The following REPS2 variants were observed in gnomAD, a reference collection of about 807,000 sequenced individuals.
The protein encoded by REPS2 is ralBP1-associated Eps domain-containing protein 2.
In REPS2, 23 loss-of-function variants were observed where a neutral mutation model predicts 53.6. The ratio of observed to expected loss-of-function variants is 0.43; its 90% CI spans 0.31 to 0.61. The LOEUF is 0.61. Among genes scored for constraint, REPS2 ranks in the 20% least tolerant of loss-of-function variants. The probability of loss-of-function intolerance (pLI) is 0.11; values close to 1 mark genes in which losing one functional copy is unlikely to be tolerated. For synonymous variants in REPS2, 238 were observed against 218.6 expected (o/e 1.09, Z -0.78); for missense variants, 446 against 534.9 (o/e 0.83, Z 1.64).
intron 5 of REPS2, among the ~76,000 whole-genome samples, chrX:17,038,744 C>T (rs921645521): frequency 8.9e-6 from 1 of 112,176 alleles, no homozygotes; most frequent in Admixed American, 9.5e-5. Context: ...CCATATTTCA[C>T]AGGGAGAGCA....
intron 1 of REPS2, among the ~76,000 whole-genome samples, chrX:16,964,166 G>A (rs767519199): frequency 1.0e-4 from 11 of 107,568 alleles, no homozygotes; most frequent in Admixed American, 7.0e-4. Context: ...CCTAGGCAGA[G>A]GACCCTGCCG....
At chrX:17,066,315 A>G (rs1457136526) in intron 9 of REPS2, among the ~76,000 whole-genome samples, 1 of 112,529 alleles carries the variant, frequency 8.9e-6, no homozygotes, top group Admixed American at 9.4e-5. Context: ...CAAAGATTGC[A>G]TTGAATTTGT....
intron 2 of REPS2, among the ~76,000 whole-genome samples, chrX:17,018,993 G>C (rs749794391): frequency 9.1e-6 from 1 of 110,131 alleles, no homozygotes; most frequent in East Asian, 2.9e-4. Context: ...TTTTTTAAGA[G>C]AAGGGGTCTT....
chrX:17,041,550 C>T (rs773658190), intron 5 of REPS2, among the ~76,000 whole-genome samples: 4 of 112,236 alleles, frequency 3.6e-5, no homozygotes, highest in African/African-American at 1.3e-4. Context: ...CTAATGAGAT[C>T]GTTTTGATCA....
At chrX:17,009,525 C>G (rs1280379664) in intron 2 of REPS2, among the ~76,000 whole-genome samples, 2 of 110,637 alleles carry the variant, frequency 1.8e-5, no homozygotes, top group Non-Finnish European at 3.8e-5. Context: ...TTCCCAGGCT[C>G]AAATGATCTT....
chrX:17,063,427 C>G (rs1257699867), intron 9 of REPS2, among the ~76,000 whole-genome samples: 1 of 111,563 alleles, frequency 9.0e-6, no homozygotes, highest in East Asian at 2.8e-4. Flanking sequence ...ACATGAGGCC[C>G]TCATGCCTGT....
At chrX:17,009,069 C>T (rs1460742936) in intron 2 of REPS2, among the ~76,000 whole-genome samples, 1 of 112,071 alleles carries the variant, frequency 8.9e-6, no homozygotes, top group African/African-American at 3.2e-5. Flanking sequence ...CTAGACCAGA[C>T]AACCTTCATC....
At chrX:17,087,761 C>T (rs2062556738) in intron 13 of REPS2, among the ~76,000 whole-genome samples, 1 of 110,524 alleles carries the variant, frequency 9.0e-6, no homozygotes, top group Non-Finnish European at 1.9e-5. Context: ...ATGGAGAAAC[C>T]CCATCTCTAC....
intron 2 of REPS2, among the ~76,000 whole-genome samples, chrX:17,018,984 T>A (rs1285515388): frequency 9.1e-6 from 1 of 110,299 alleles, no homozygotes; most frequent in Non-Finnish European, 1.9e-5. Context: ...TATTTTTATT[T>A]TTTTAAGAGA....
chrX:16,969,756 G>A lies in REPS2; in HGVS notation c.273+22622G>A, dbSNP rs1320809818. ...GAGACCGTGGGGAGAGGGAGACCGA[G>A]AGGGAGAGGGAGAGAGGGAGAGGGA... is the stretch of plus-strand genomic sequence containing the variant. On this transcript the variant is annotated intron_variant, in intron 1 of 17. Coordinates refer to ENST00000357277, the MANE Select transcript of REPS2 (RefSeq NM_004726.3). Among the ~76,000 whole-genome samples, 3 of 80,551 alleles carry A rather than the reference G, an allele frequency of 3.7e-5. No individual in the cohort carries two copies. The Admixed American group carries it at 5.2e-4, about 14-fold the overall frequency. The allele number at this position is 80,551 out of a possible 115,157, so 69.9% of individuals were successfully genotyped here. A position where few individuals can be genotyped will look rare whatever the true frequency, so the allele number is the denominator to read the frequency against.
At chrX:16,994,977 C>T (rs1358419360) in intron 1 of REPS2, among the ~76,000 whole-genome samples, 2 of 111,939 alleles carry the variant, frequency 1.8e-5, no homozygotes, top group Non-Finnish European at 3.8e-5. Context: ...GCAAAGGGTT[C>T]GGATAACAGG....
At chrX:17,160,677 A>G in the REPS2 span, among the ~76,000 whole-genome samples, 1 of 112,185 alleles carries the variant, frequency 8.9e-6, no homozygotes, top group African/African-American at 3.2e-5. Flanking sequence ...TTCATAAAAA[A>G]GGGAGGATGA....
chrX:17,046,159 AT>A (rs112879575), intron 5 of REPS2, among the ~76,000 whole-genome samples: 2,875 of 97,970 alleles, frequency 0.029, 103 homozygotes, highest in African/African-American at 0.098. Context: ...ATTTTTATTT[AT>A]TTTTTTTTTT....
chrX:17,158,641 AAG>A, the REPS2 span, among the ~76,000 whole-genome samples: 5 of 112,294 alleles, frequency 4.5e-5, no homozygotes, highest in South Asian at 7.4e-4. Context: ...ATTCAGGACT[AAG>A]AGAGTTTTGG....
intron 1 of REPS2, among the ~76,000 whole-genome samples, chrX:16,951,559 AC>A (rs74473321): frequency 0.011 from 399 of 37,506 alleles, 6 homozygotes; most frequent in South Asian, 0.056. Flanking sequence ...ACACACACAC[AC>A]CCCCGCTACC....
chrX:17,195,586 G>A, the REPS2 span, among the ~76,000 whole-genome samples: 1 of 112,097 alleles, frequency 8.9e-6, no homozygotes, highest in Non-Finnish European at 1.9e-5. Context: ...TAAAAATTGA[G>A]CCTAAAATTG....
the REPS2 span, among the ~76,000 whole-genome samples, chrX:17,191,888 T>C: frequency 9.0e-6 from 1 of 111,309 alleles, no homozygotes; most frequent in Non-Finnish European, 1.9e-5. Flanking sequence ...GGGCAAGGAG[T>C]TGATTACAAA....
chrX:16,980,394 C>T (rs980122098), intron 1 of REPS2, among the ~76,000 whole-genome samples: 8 of 111,143 alleles, frequency 7.2e-5, no homozygotes, highest in African/African-American at 2.3e-4. Flanking sequence ...CCTCCGCCTC[C>T]CAGGTTCAAG....
At chrX:16,966,337 A>T (rs367806108) in intron 1 of REPS2, among the ~76,000 whole-genome samples, 1 of 112,240 alleles carries the variant, frequency 8.9e-6, no homozygotes, top group African/African-American at 3.2e-5. Context: ...TTTGAGACCT[A>T]AAAGTAATAC....
Sources: allele counts gnomAD v4.1 joint callset (sites outside exome capture counted in the v4.1 genomes callset), GRCh38; gene constraint gnomAD v4.1.1; transcripts MANE v1.5; gene names NCBI Gene and HGNC (gene_info 2026-07-23, HGNC 2026-07-21).